COLEC12: variants seen among roughly 807,000 people sequenced by gnomAD.
The protein encoded by COLEC12 is collectin subfamily member 12, also known as collectin-12.
COLEC12 carries 33 observed loss-of-function variants against 71.1 expected under a neutral mutation model. The ratio of observed to expected loss-of-function variants is 0.46; its 90% CI spans 0.35 to 0.62. The LOEUF is 0.62. Among genes scored for constraint, COLEC12 ranks in the 20% least tolerant of loss-of-function variants. The probability of loss-of-function intolerance (pLI) is 0.00; values close to 1 mark genes in which losing one functional copy is unlikely to be tolerated. For synonymous variants in COLEC12, 350 were observed against 353.0 expected, an observed-to-expected ratio of 0.99 and a Z score of 0.10; for missense variants, 765 against 916.1, an observed-to-expected ratio of 0.84 and a Z score of 2.13.
At chr18:321,946 T>C (rs1221126088) in intron 8 of COLEC12, 139 bp from the exon 9 acceptor site, 3 of 793,982 alleles carry the variant, frequency 3.8e-6, no homozygotes, top group Non-Finnish European at 6.0e-6. Context: ...TAAAAATCAG[T>C]ACATGCTCTT....
In COLEC12 at chr18:320,029, A is replaced by C. The variant is rs915224416; in HGVS notation, c.*16T>G. ...TGAGAGCTGAAAATTTGCTCATGTG[A>C]TCCCATCACAGTCCGTTATAATGCA... On this transcript the variant is annotated 3_prime_UTR_variant, in exon 10 of 10. Transcript: ENST00000400256. The C allele has an allele frequency of 6.6e-7, 1 of 1,524,058 alleles. No individual in the cohort carries two copies. Among genetic ancestry groups the C allele is most frequent in the Non-Finnish European group, 9.0e-7 (1 of 1,111,766 alleles). The allele number at this position is 1,524,058 out of a possible 1,614,324, so 94.4% of individuals were successfully genotyped here.
chr18:332,984 A>C lies in COLEC12; in HGVS notation c.1953+23T>G, dbSNP rs1045139380. ...CTATCCTTAAATTATAGTTTTCCCCAACCAAGTATGTGGCAGGCATACCTG... is the reference window on the plus strand; with the variant it reads ...CTATCCTTAAATTATAGTTTTCCCCCACCAAGTATGTGGCAGGCATACCTG... On this transcript the variant is annotated intron_variant, in intron 7 of 9. Coordinates refer to ENST00000400256, the MANE Select transcript of COLEC12 (RefSeq NM_130386.3). The C allele has an allele frequency of 1.9e-6, 3 of 1,541,496 alleles. No individual in the cohort carries two copies. In the African/African-American group the frequency reaches 4.2e-5, roughly 21 times the overall value.
intron 8 of COLEC12, among the ~76,000 whole-genome samples, chr18:323,653 T>C (rs545225913): frequency 4.9e-4 from 74 of 152,370 alleles, no homozygotes; most frequent in African/African-American, 1.4e-3. Flanking sequence ...AGCAGTTTAA[T>C]CTTGTGGACA....
intron 9 of COLEC12, 121 bp from the exon 10 acceptor site, chr18:320,185 G>T: frequency 1.7e-6 from 1 of 593,990 alleles, no homozygotes; most frequent in East Asian, 3.1e-5. Flanking sequence ...ATTCAACAAT[G>T]CTTATATTTT....
At chr18:349,379 G>T (rs1278392668) in intron 3 of COLEC12, among the ~76,000 whole-genome samples, 2 of 152,222 alleles carry the variant, frequency 1.3e-5, no homozygotes. Flanking sequence ...ATTGAGGTTT[G>T]GGAACCTCCG....
chr18:378,445 C>T (rs1187805831), intron 2 of COLEC12, among the ~76,000 whole-genome samples: 1 of 152,208 alleles, frequency 6.6e-6, no homozygotes, highest in Non-Finnish European at 1.5e-5. Flanking sequence ...TTCTTCCATT[C>T]TTTTGTGTTT....
chr18:370,204 T>C (rs191994003), intron 2 of COLEC12, among the ~76,000 whole-genome samples: 3 of 152,224 alleles, frequency 2.0e-5, no homozygotes, highest in Admixed American at 2.0e-4. Context: ...AATCAGAAAA[T>C]GTGACCAGGA....
At chr18:477,515 T>C (rs1272933766) in intron 2 of COLEC12, among the ~76,000 whole-genome samples, 2 of 152,226 alleles carry the variant, frequency 1.3e-5, no homozygotes, top group Non-Finnish European at 2.9e-5. Context: ...AATGTTACCG[T>C]CTTTAGAAGA....
chr18:359,432 A>G (rs1456033445), intron 2 of COLEC12, among the ~76,000 whole-genome samples: 1 of 152,272 alleles, frequency 6.6e-6, no homozygotes, highest in Admixed American at 6.5e-5. Flanking sequence ...CATGTATACA[A>G]GAAACAGACA....
intron 2 of COLEC12, among the ~76,000 whole-genome samples, chr18:400,928 G>C (rs1349529549): frequency 6.6e-6 from 1 of 152,108 alleles, no homozygotes; most frequent in Non-Finnish European, 1.5e-5. Flanking sequence ...CTGAATTTTG[G>C]AGCAAAGCAG....
intron 2 of COLEC12, among the ~76,000 whole-genome samples, chr18:478,120 C>T (rs1366189120): frequency 1.3e-5 from 2 of 152,148 alleles, no homozygotes; most frequent in Admixed American, 6.5e-5. Flanking sequence ...GGTTCCAGAG[C>T]TGCAGGGTCC....
intron 8 of COLEC12, among the ~76,000 whole-genome samples, chr18:329,486 C>T (rs1402605580): frequency 6.6e-6 from 1 of 152,216 alleles, no homozygotes; most frequent in Non-Finnish European, 1.5e-5. Context: ...CCAGCTCCAA[C>T]CTTCTACAGC....
intron 2 of COLEC12, among the ~76,000 whole-genome samples, chr18:389,208 GACACAC>G (rs145389624): frequency 0.43 from 64,665 of 149,110 alleles, 15,149 homozygotes; most frequent in Admixed American, 0.53. Flanking sequence ...CACACACACA[GACACAC>G]ACACACACAC....
chr18:466,332 C>T (rs1006689577), intron 2 of COLEC12, among the ~76,000 whole-genome samples: 21 of 152,192 alleles, frequency 1.4e-4, no homozygotes, highest in African/African-American at 5.1e-4. Flanking sequence ...CAGTTACGTG[C>T]TTCCTTCAAT....
intron 7 of COLEC12, 64 bp downstream of exon 7, chr18:332,943 A>G: frequency 7.1e-7 from 1 of 1,408,034 alleles, no homozygotes; most frequent in Non-Finnish European, 9.6e-7. Flanking sequence ...ACAAGCCTGC[A>G]ATTTCCAGAT....
At chr18:366,629 T>G (rs1317754687) in intron 2 of COLEC12, among the ~76,000 whole-genome samples, 1 of 152,186 alleles carries the variant, frequency 6.6e-6, no homozygotes, top group Non-Finnish European at 1.5e-5. Flanking sequence ...GAGCACCCGC[T>G]AGTACTCGGC....
At chr18:376,313 A>T (rs960188588) in intron 2 of COLEC12, among the ~76,000 whole-genome samples, 2 of 152,216 alleles carry the variant, frequency 1.3e-5, no homozygotes, top group Non-Finnish European at 2.9e-5. Context: ...TCACCAAAAA[A>T]TGTAATACAG....
chr18:354,185 A>G (rs957132289), intron 3 of COLEC12, among the ~76,000 whole-genome samples: 2 of 152,230 alleles, frequency 1.3e-5, no homozygotes, highest in Non-Finnish European at 2.9e-5. Flanking sequence ...AGCTCTGTTG[A>G]CTAATGATAA....
intron 2 of COLEC12, among the ~76,000 whole-genome samples, chr18:388,472 G>A (rs1041251138): frequency 2.8e-4 from 42 of 152,198 alleles, no homozygotes; most frequent in African/African-American, 7.7e-4. Flanking sequence ...TAAAGTAGCA[G>A]CTAACCTGAT....
Sources: gnomAD v4.1 joint callset for allele counts (sites outside exome capture counted in the v4.1 genomes callset) on GRCh38, gnomAD v4.1.1 for gene constraint, MANE v1.5 for transcripts, NCBI Gene and HGNC (gene_info 2026-07-23, HGNC 2026-07-21) for gene names.